The following CNTN4 variants were observed in gnomAD, a reference collection of about 807,000 sequenced individuals.
CNTN4 encodes the protein contactin-4.
In CNTN4, 77 loss-of-function variants were observed where a neutral mutation model predicts 122.5. The ratio of observed to expected loss-of-function variants is 0.63; its 90% CI spans 0.52 to 0.76. CNTN4 has a LOEUF of 0.76. Ranked by LOEUF, CNTN4 falls within the 30% of genes least tolerant of loss-of-function variation. CNTN4 has a pLI of 0.00. For synonymous variants in CNTN4, 512 were observed against 447.0 expected, an observed-to-expected ratio of 1.15 and a Z score of -1.83; for missense variants, 1,256 against 1,259.1, an observed-to-expected ratio of 1.00 and a Z score of 0.04.
chr3:2,806,532 C>G (rs2092472275), intron 6 of CNTN4, among the ~76,000 whole-genome samples: 1 of 152,194 alleles, frequency 6.6e-6, no homozygotes, highest in African/African-American at 2.4e-5. Context: ...GATCACCATG[C>G]TAGTTTGTTC....
chr3:2,609,780 A>C (rs35106351), intron 4 of CNTN4, among the ~76,000 whole-genome samples: 14,717 of 152,228 alleles, frequency 0.097, 958 homozygotes, highest in Non-Finnish European at 0.14. Flanking sequence ...CATATTTTCC[A>C]TTTTAAAAAT....
intron 3 of CNTN4, among the ~76,000 whole-genome samples, chr3:2,514,890 T>TCTTCCTCCCTTTTTCTTC (rs1311811030): frequency 1.3e-5 from 2 of 152,046 alleles, no homozygotes; most frequent in African/African-American, 4.8e-5. Flanking sequence ...TCTCTTTCTT[T>TCTTCCTCCCTTTTTCTTC]CTTCCTCCCT....
chr3:2,533,011 A>G (rs2077657225), intron 3 of CNTN4, among the ~76,000 whole-genome samples: 1 of 152,104 alleles, frequency 6.6e-6, no homozygotes, highest in Non-Finnish European at 1.5e-5. Context: ...TCACCGCCCA[A>G]ATCTCTAGAT....
chr3:2,340,976 G>A (rs1055799019), intron 3 of CNTN4, among the ~76,000 whole-genome samples: 2 of 151,916 alleles, frequency 1.3e-5, no homozygotes, highest in Non-Finnish European at 2.9e-5. Flanking sequence ...GCAGCTCACA[G>A]GTCAGTGCAA....
At chr3:2,707,674 T>C (rs1039426189) in intron 4 of CNTN4, among the ~76,000 whole-genome samples, 4 of 152,104 alleles carry the variant, frequency 2.6e-5, no homozygotes, top group Admixed American at 6.6e-5. Flanking sequence ...GGCAGGGTCA[T>C]GCTCTGTTAC....
intron 2 of CNTN4, among the ~76,000 whole-genome samples, chr3:2,117,503 C>G (rs998020747): frequency 1.8e-4 from 28 of 152,206 alleles, no homozygotes; most frequent in African/African-American, 6.3e-4. Flanking sequence ...CAACCTCACC[C>G]TCAGTCCCTC....
intron 14 of CNTN4, among the ~76,000 whole-genome samples, chr3:3,006,999 G>A (rs1189972258): frequency 6.6e-6 from 1 of 152,186 alleles, no homozygotes; most frequent in East Asian, 1.9e-4. Context: ...GTGCTTAACT[G>A]TGTGTCTCAC....
intron 2 of CNTN4, among the ~76,000 whole-genome samples, chr3:2,104,425 T>C (rs2032263689): frequency 2.0e-5 from 3 of 152,202 alleles, no homozygotes; most frequent in Admixed American, 6.5e-5. Flanking sequence ...TTCTTGCTCA[T>C]GTGTGGTAGT....
chr3:2,981,464 C>T (rs961609421), intron 13 of CNTN4, among the ~76,000 whole-genome samples: 9 of 151,782 alleles, frequency 5.9e-5, no homozygotes, highest in African/African-American at 1.9e-4. Context: ...AAAAGGAAAA[C>T]CTTACCGAGG....
chr3:2,944,543 C>G (rs1219482711), intron 13 of CNTN4, among the ~76,000 whole-genome samples: 1 of 152,112 alleles, frequency 6.6e-6, no homozygotes, highest in Non-Finnish European at 1.5e-5. Context: ...ACATTTTGCT[C>G]TCCTTGAATA....
At chr3:2,152,775 G>A (rs62246966) in intron 2 of CNTN4, among the ~76,000 whole-genome samples, 29,034 of 152,108 alleles carry the variant, frequency 0.19, 3,540 homozygotes, top group Admixed American at 0.31. Context: ...GGCTCTGGCC[G>A]GTGGGTCATG....
At position 2,301,679 on chromosome 3, in the gene CNTN4, C is replaced by G. The variant is rs564959387; in HGVS notation, c.-144-37499C>G. Among the ~76,000 whole-genome samples the G allele has an allele frequency of 5.9e-5, 9 of 152,312 alleles. No homozygotes were observed. The East Asian group carries it at 1.2e-3, about 20-fold the overall frequency. On this transcript the variant is annotated intron_variant, in intron 2 of 24. Transcript: ENST00000418658. ...GAGGCAAGTAACTTGGGGAATAATA[C>G]AGAGTCATTTGAACAGCAGTGTGAA... is the stretch of plus-strand genomic sequence containing the variant.
intron 3 of CNTN4, among the ~76,000 whole-genome samples, chr3:2,508,972 T>A (rs952187769): frequency 6.6e-6 from 1 of 152,218 alleles, no homozygotes; most frequent in African/African-American, 2.4e-5. Context: ...AATTTTTTAG[T>A]TAGTAATTAA....
At chr3:2,164,829 C>G (rs559201905) in intron 2 of CNTN4, among the ~76,000 whole-genome samples, 4 of 151,978 alleles carry the variant, frequency 2.6e-5, no homozygotes, top group African/African-American at 9.7e-5. Flanking sequence ...TGAAAGGACT[C>G]AAAGTATTCT....
chr3:2,373,434 T>C (rs1349520187), intron 3 of CNTN4, among the ~76,000 whole-genome samples: 1 of 152,230 alleles, frequency 6.6e-6, no homozygotes, highest in African/African-American at 2.4e-5. Flanking sequence ...TTTTGAACGC[T>C]GAAAGCCAAG....
chr3:2,958,549 G>C (rs1434586946), intron 13 of CNTN4, among the ~76,000 whole-genome samples: 1 of 152,012 alleles, frequency 6.6e-6, no homozygotes, highest in Non-Finnish European at 1.5e-5. Flanking sequence ...TGCTTCCCTG[G>C]TGCAACTATG....
chr3:2,762,411 G>T (rs1020173506), intron 6 of CNTN4, among the ~76,000 whole-genome samples: 1 of 152,134 alleles, frequency 6.6e-6, no homozygotes, highest in African/African-American at 2.4e-5. Context: ...TCCCTTCTAT[G>T]TGTCGATGTG....
chr3:2,845,547 A>G (rs1275680500), intron 7 of CNTN4, among the ~76,000 whole-genome samples: 1 of 152,202 alleles, frequency 6.6e-6, no homozygotes, highest in East Asian at 1.9e-4. Context: ...CACTTCTAGC[A>G]ACTTTTAAAA....
chr3:2,848,609 T>C (rs1246700664), intron 7 of CNTN4, among the ~76,000 whole-genome samples: 1 of 152,248 alleles, frequency 6.6e-6, no homozygotes, highest in Admixed American at 6.5e-5. Context: ...AAAAGTCCTA[T>C]TAACTACAAC....
Sources: allele counts gnomAD v4.1 joint callset (sites outside exome capture counted in the v4.1 genomes callset), GRCh38; gene constraint gnomAD v4.1.1; transcripts MANE v1.5; gene names NCBI Gene and HGNC (gene_info 2026-07-23, HGNC 2026-07-21).